Variants in ESF1 observed in about 807,000 individuals in gnomAD.
The protein encoded by ESF1 is ESF1 nucleolar pre-rRNA processing protein.
A neutral mutation model predicts 92.0 loss-of-function variants in ESF1; 58 were observed. The ratio of observed to expected loss-of-function variants is 0.63; its 90% confidence interval spans 0.51 to 0.78. The LOEUF (loss-of-function observed/expected upper bound fraction) is 0.78. Ranked by LOEUF, ESF1 falls within the 30% of genes least tolerant of loss-of-function variation. ESF1 has a pLI of 0.00. For synonymous variants in ESF1, 321 were observed against 313.7 expected (o/e 1.02, Z -0.24); for missense variants, 922 against 989.1 (o/e 0.93, Z 0.91).
intron 9 of ESF1, among the ~76,000 whole-genome samples, chr20:13,738,287 A>G (rs1222063164): frequency 6.6e-6 from 1 of 151,298 alleles, no homozygotes; most frequent in East Asian, 2.0e-4. Context: ...AATTTCTTGT[A>G]TGAACTTCTG....
chr20:13,762,853 A>ATTTTT, intron 8 of ESF1: 6 of 278,428 alleles, frequency 2.2e-5, no homozygotes, highest in Admixed American at 5.3e-5. Flanking sequence ...TATTTATTAA[A>ATTTTT]GTTTTTTTTT....
At position 13,772,710 on chromosome 20, in the gene ESF1, G is replaced by A. The variant is rs1979747721; in HGVS notation, c.1150-95C>T. The A allele has an allele frequency of 3.6e-6, 3 of 841,328 alleles. No homozygotes were observed. The Admixed American group carries it at 5.9e-5, about 16-fold the overall frequency. The allele number at this position is 841,328 out of a possible 1,614,324, so 52.1% of individuals were successfully genotyped here. A position where few individuals can be genotyped will look rare whatever the true frequency, so the allele number is the denominator to read the frequency against. On this transcript the variant is annotated intron_variant, in intron 4 of 13. Coordinates refer to ENST00000617257, the MANE Select transcript of ESF1 (RefSeq NM_001276380.2). The stretch of plus-strand genomic sequence containing the variant: ...TCAGGAACTCTAAAAGTCACAACTT[G>A]ACTCAATGAAAACAGTAAGGGTGAC...
chr20:13,717,618 A>G (rs2147714738), intron 12 of ESF1, 104 bp from the exon 13 acceptor site: 1 of 1,296,742 alleles, frequency 7.7e-7, no homozygotes, highest in Non-Finnish European at 1.1e-6. Context: ...GGAAGACTCA[A>G]TCACTAGAAC....
At position 13,742,708 on chromosome 20, in the gene ESF1, G is replaced by C. The variant is rs537107482; in HGVS notation, c.1829-8866C>G. Among the ~76,000 whole-genome samples, 3 of 151,782 alleles carry C rather than the reference G, an allele frequency of 2.0e-5. No individual in the cohort carries two copies. The East Asian group carries it at 5.8e-4, about 29-fold the overall frequency. On this transcript the variant is annotated intron_variant, in intron 9 of 13. Coordinates refer to ENST00000617257, the MANE Select transcript of ESF1 (RefSeq NM_001276380.2). The stretch of plus-strand genomic sequence containing the variant: ...CTACAGCTACACAAAATAAATCTTA[G>C]CAATATAATATTAAGTGAAAAAAAA...
chr20:13,753,152 T>G (rs1978716057), intron 9 of ESF1, among the ~76,000 whole-genome samples: 1 of 152,004 alleles, frequency 6.6e-6, no homozygotes, highest in Non-Finnish European at 1.5e-5. Flanking sequence ...AGTTTACAAT[T>G]TCCAAATCAT....
chr20:13,733,445 T>C (rs563381548), intron 10 of ESF1, among the ~76,000 whole-genome samples: 2 of 152,366 alleles, frequency 1.3e-5, no homozygotes, highest in South Asian at 2.1e-4. Flanking sequence ...TATCTAGATA[T>C]TAACTATGTG....
chr20:13,764,208 T>G (rs1057255892), intron 8 of ESF1, among the ~76,000 whole-genome samples: 5 of 152,234 alleles, frequency 3.3e-5, no homozygotes, highest in Admixed American at 2.0e-4. Context: ...CATTTATGGG[T>G]TCTTCACTTT....
In ESF1 at chr20:13,714,635, T is replaced by G. The variant is rs1168735772; in HGVS notation, c.*239A>C. ...CTGAACATTGTAAAATATAAAAATTTTATAAACCCTATAATGCAGGTAATT... is the reference window on the plus strand; with the variant it reads ...CTGAACATTGTAAAATATAAAAATTGTATAAACCCTATAATGCAGGTAATT... On this transcript the variant is annotated 3_prime_UTR_variant, in exon 14 of 14. Transcript: ENST00000617257. 1.5e-5 allele frequency: 5 copies of G among 335,312 alleles called. No individual in the cohort carries two copies. Among genetic ancestry groups the G allele is most frequent in the Non-Finnish European group, 2.2e-5 (4 of 185,848 alleles). The allele number at this position is 335,312 out of a possible 1,614,324, so 20.8% of individuals were successfully genotyped here.
chr20:13,762,861 T>TC (rs1979262873), intron 8 of ESF1: 1 of 334,338 alleles, frequency 3.0e-6, no homozygotes, highest in East Asian at 1.0e-4. Context: ...AAAGTTTTTT[T>TC]TTTTTTTTTT....
chr20:13,714,940 C>T lies in ESF1; in HGVS notation c.2490G>A (p.Met830Ile), dbSNP rs367845392. 3.1e-6 allele frequency: 5 copies of T among 1,613,602 alleles called. No homozygotes were observed. In the African/African-American group the frequency reaches 6.7e-5, roughly 22 times the overall value. Residue 830 changes from methionine to isoleucine, a missense_variant, in exon 14 of 14, where the codon ATG becomes ATA. Physicochemically the swap from Met to Ile is conservative, Grantham distance 10. Coordinates refer to ENST00000617257, the MANE Select transcript of ESF1 (RefSeq NM_001276380.2). Reference protein sequence around the residue: ...QRKSIDPALSMLIKSIKTKTE... With the variant: ...QRKSIDPALSILIKSIKTKTE... ...TTTTGGTTTTTATAGATTTAATCAA[C>T]ATTGACAAAGCAGGATCAATGGACT... is the stretch of plus-strand genomic sequence containing the variant.
intron 8 of ESF1, among the ~76,000 whole-genome samples, chr20:13,760,447 A>C (rs1440114196): frequency 2.9e-5 from 4 of 136,340 alleles, no homozygotes; most frequent in Admixed American, 7.2e-5. Context: ...CCCGGCCGCG[A>C]CCCCGTCTGG....
intron 9 of ESF1, among the ~76,000 whole-genome samples, chr20:13,752,077 A>G (rs1978664063): frequency 6.6e-6 from 1 of 152,194 alleles, no homozygotes; most frequent in Non-Finnish European, 1.5e-5. Flanking sequence ...ATAATTCAAG[A>G]AGCACTGAGA....
At chr20:13,721,195 A>G (rs1192835432) in intron 11 of ESF1, among the ~76,000 whole-genome samples, 1 of 152,268 alleles carries the variant, frequency 6.6e-6, no homozygotes, top group African/African-American at 2.4e-5. Context: ...GATTTCATGT[A>G]AATGAAAATA....
chr20:13,770,173 T>A lies in ESF1; in HGVS notation c.1404-152A>T. On this transcript the variant is annotated intron_variant, in intron 6 of 13. Coordinates refer to ENST00000617257, the MANE Select transcript of ESF1 (RefSeq NM_001276380.2). ...ATGTTAGACATAACCTTTGTATATT[T>A]CTGAATGAATTCATCTTTGTATAAA... 4 of 558,230 alleles carry A rather than the reference T, an allele frequency of 7.2e-6. No homozygotes were observed. In the South Asian group the frequency reaches 9.9e-5, roughly 14 times the overall value. 34.6% of individuals were successfully genotyped at this position (558,230 alleles called of 1,614,324 possible).
intron 13 of ESF1, 140 bp downstream of exon 13, chr20:13,717,228 G>A (rs2049835055): frequency 9.9e-7 from 1 of 1,009,150 alleles, no homozygotes; most frequent in Non-Finnish European, 1.5e-6. Flanking sequence ...AAAAAGTGTT[G>A]GGATTATAGG....
At chr20:13,740,730 C>T (rs2050007191) in intron 9 of ESF1, among the ~76,000 whole-genome samples, 1 of 152,104 alleles carries the variant, frequency 6.6e-6, no homozygotes, top group African/African-American at 2.4e-5. Context: ...CTCTAGAACA[C>T]CTAAAATATG....
intron 12 of ESF1, 34 bp from the exon 13 acceptor site, chr20:13,717,548 C>G (rs906726748): frequency 3.1e-6 from 5 of 1,607,672 alleles, no homozygotes; most frequent in Non-Finnish European, 3.4e-6. Context: ...AAATGTACAA[C>G]AGTGCTTTTT....
intron 10 of ESF1, among the ~76,000 whole-genome samples, chr20:13,732,149 G>C (rs2049947365): frequency 6.6e-6 from 1 of 152,194 alleles, no homozygotes; most frequent in African/African-American, 2.4e-5. Context: ...GTGTCTGAAA[G>C]GGTGGAGGCA....
At chr20:13,784,547 C>T (rs933740130) in intron 1 of ESF1, among the ~76,000 whole-genome samples, 1 of 152,126 alleles carries the variant, frequency 6.6e-6, no homozygotes, top group African/African-American at 2.4e-5. Flanking sequence ...GACCGGACCT[C>T]ACTCCCGACA....
Sources: gnomAD v4.1 joint callset for allele counts (sites outside exome capture counted in the v4.1 genomes callset) on GRCh38, gnomAD v4.1.1 for gene constraint, MANE v1.5 for transcripts, NCBI Gene and HGNC (gene_info 2026-07-23, HGNC 2026-07-21) for gene names.